Variants in ANKRD30B observed in about 807,000 individuals in gnomAD.
ANKRD30B encodes ankyrin repeat domain 30B.
In ANKRD30B, 144 loss-of-function variants were observed where a neutral mutation model predicts 202.2. The observed-to-expected ratio is 0.71, with a 90% confidence interval of 0.62 to 0.82. ANKRD30B has a LOEUF of 0.82. ANKRD30B is among the 40% of genes least tolerant of loss of function. The pLI, the probability that ANKRD30B is intolerant of heterozygous loss-of-function variation, is 0.00. For synonymous variants in ANKRD30B, 508 were observed against 561.3 expected (o/e 0.91, Z 1.34); for missense variants, 1,487 against 1,669.1 (o/e 0.89, Z 1.90).
chr18:14,888,342 ATT>A, the ANKRD30B span, among the ~76,000 whole-genome samples: 3 of 152,124 alleles, frequency 2.0e-5, no homozygotes, highest in East Asian at 5.8e-4. Flanking sequence ...TATAGCAGCC[ATT>A]TTATAAGCAG....
At chr18:14,883,369 GTCTCTC>G in the ANKRD30B span, among the ~76,000 whole-genome samples, 746 of 84,604 alleles carry the variant, frequency 8.8e-3, 7 homozygotes, top group Admixed American at 0.018. Context: ...CTGTCTGTCT[GTCTCTC>G]TCTCTCTCTC....
At chr18:14,924,650 C>T in the ANKRD30B span, among the ~76,000 whole-genome samples, 1 of 152,212 alleles carries the variant, frequency 6.6e-6, no homozygotes. Flanking sequence ...TCCATGAGGG[C>T]CCTGGGCTAC....
chr18:14,881,609 G>A, the ANKRD30B span, among the ~76,000 whole-genome samples: 2 of 152,124 alleles, frequency 1.3e-5, no homozygotes, highest in Non-Finnish European at 2.9e-5. Flanking sequence ...AATGAATCGG[G>A]GAGGGTTTCT....
In ANKRD30B at chr18:14,822,526, A is replaced by G; in HGVS notation, c.2670+15A>G. On this transcript the variant is annotated intron_variant, in intron 31 of 43. Transcript: ENST00000690538. ...GTCTTCTGAAGGTAATAACTTTTAT[A>G]TTTTTATCTTGAATATTAACTACTT... 2.3e-6 allele frequency: 3 copies of G among 1,300,334 alleles called. No individual in the cohort carries two copies. The highest frequency in any genetic ancestry group is 2.4e-5 in the East Asian group (1 of 40,870). The allele number at this position is 1,300,334 out of a possible 1,614,324, so 80.5% of individuals were successfully genotyped here.
chr18:14,811,040 A>G (rs1255915542), intron 28 of ANKRD30B, among the ~76,000 whole-genome samples: 1 of 151,130 alleles, frequency 6.6e-6, no homozygotes, highest in Non-Finnish European at 1.5e-5. Context: ...GCTTGAACCC[A>G]TGAGGCAGAA....
In ANKRD30B at chr18:14,852,382, C is replaced by G; in HGVS notation, c.4438C>G (p.Arg1480Gly). Residue 1480 changes from arginine to glycine, a missense_variant, in exon 42 of 44, where the codon CGT (arginine) becomes GGT (glycine). Coordinates refer to ENST00000690538, the MANE Select transcript of ANKRD30B (RefSeq NM_001367607.2). ...CAATTATGGTAACCATTTAAAAGAACGTATAGATCAATATGAAAAAGAGAA... is the reference window on the plus strand; with the variant it reads ...CAATTATGGTAACCATTTAAAAGAAGGTATAGATCAATATGAAAAAGAGAA... ...VFNYGNHLKE[R>G]IDQYEKEKAE... is the part of the protein sequence containing the mutation. The G allele has an allele frequency of 6.5e-7, 1 of 1,530,756 alleles. No homozygotes were observed. The allele number at this position is 1,530,756 out of a possible 1,614,324, so 94.8% of individuals were successfully genotyped here.
At chr18:14,781,716 C>G (rs540430553) in intron 11 of ANKRD30B, among the ~76,000 whole-genome samples, 1 of 152,164 alleles carries the variant, frequency 6.6e-6, no homozygotes, top group Admixed American at 6.5e-5. Flanking sequence ...AGATATTCTG[C>G]TCTGCCAGTC....
At chr18:14,850,473 A>G in intron 41 of ANKRD30B, 91 bp downstream of exon 41, 1 of 1,270,252 alleles carries the variant, frequency 7.9e-7, no homozygotes, top group Non-Finnish European at 1.0e-6. Flanking sequence ...TGTGTTATTC[A>G]GGTCTAAATC....
At chr18:14,868,554 T>A in the ANKRD30B span, among the ~76,000 whole-genome samples, 1 of 152,268 alleles carries the variant, frequency 6.6e-6, no homozygotes, top group Non-Finnish European at 1.5e-5. Context: ...TGGAGGGAGT[T>A]CACCAAGGGG....
chr18:14,754,321 T>A (rs1326877098), intron 3 of ANKRD30B, among the ~76,000 whole-genome samples: 1 of 152,180 alleles, frequency 6.6e-6, no homozygotes, highest in Admixed American at 6.6e-5. Context: ...TTCTAATTTG[T>A]CAAATGTTAA....
intron 16 of ANKRD30B, among the ~76,000 whole-genome samples, chr18:14,792,651 T>G (rs1968603176): frequency 6.6e-6 from 1 of 151,874 alleles, no homozygotes; most frequent in Admixed American, 6.6e-5. Flanking sequence ...CTCCAGAGAC[T>G]TTTGGAATCA....
At chr18:14,833,370 T>G (rs1454726031) in intron 34 of ANKRD30B, among the ~76,000 whole-genome samples, 2 of 152,136 alleles carry the variant, frequency 1.3e-5, no homozygotes, top group South Asian at 2.1e-4. Flanking sequence ...TGCCTCAGCC[T>G]CCAGAGCAAC....
At position 14,850,310 on chromosome 18, in the gene ANKRD30B, G is replaced by T; in HGVS notation, c.3492G>T (p.Val1164=). ...PEEQLRKKLE[V]KQQLEQTLRI... Reference sequence around the variant, plus strand: ...AGCAACTTAGGAAAAAGTTAGAAGTGAAACAACAACTTGAACAGACTCTCA... The same window carrying T: ...AGCAACTTAGGAAAAAGTTAGAAGTTAAACAACAACTTGAACAGACTCTCA... The change falls in exon 41 of 44, where the codon GTG becomes GTT. Residue 1164 remains valine, a synonymous_variant. Transcript: ENST00000690538. The T allele has an allele frequency of 6.3e-7, 1 of 1,591,608 alleles. No homozygotes were observed. The highest frequency in any genetic ancestry group is 8.5e-7 in the Non-Finnish European group (1 of 1,170,264).
intron 14 of ANKRD30B, among the ~76,000 whole-genome samples, chr18:14,785,434 C>A (rs894238504): frequency 2.0e-5 from 3 of 152,148 alleles, no homozygotes; most frequent in Non-Finnish European, 4.4e-5. Context: ...TAGTTAATTG[C>A]ACAGTTTTTA....
the ANKRD30B span, among the ~76,000 whole-genome samples, chr18:14,912,358 G>C: frequency 2.0e-5 from 3 of 152,058 alleles, no homozygotes; most frequent in Admixed American, 2.0e-4. Flanking sequence ...AAGTATTTTT[G>C]TGTCTATTGA....
At chr18:14,780,059 A>G in intron 11 of ANKRD30B, 38 bp downstream of exon 11, 5 of 1,512,394 alleles carry the variant, frequency 3.3e-6, no homozygotes, top group Non-Finnish European at 4.6e-6. Flanking sequence ...CTCTAAAAAT[A>G]TTAATATTGA....
chr18:14,769,373 G>A lies in ANKRD30B; in HGVS notation c.1256G>A (p.Ser419Asn). The change falls in exon 8 of 44, where the codon AGT (serine) becomes AAT (asparagine). Residue 419 changes from serine to asparagine, a missense_variant and splice_region_variant. Ser to Asn is a conservative substitution (Grantham distance 46). This residue lies in a region of ANKRD30B where 889 missense variants were observed against 841.4 expected (regional missense o/e 1.06). Transcript: ENST00000690538. The stretch of plus-strand genomic sequence containing the variant: ...GTGAGTTCTGTAGAGCCTATATTCA[G>A]GTAAGACTTTGCGGTTTTTTAAAAC... ...VDVSSVEPIF[S>N]LFGTRTIENS... The A allele has an allele frequency of 6.5e-7, 1 of 1,544,170 alleles. No individual in the cohort carries two copies. Among genetic ancestry groups the A allele is most frequent in the Non-Finnish European group, 8.7e-7 (1 of 1,143,446 alleles).
intron 15 of ANKRD30B, among the ~76,000 whole-genome samples, chr18:14,787,643 CA>C (rs1471686111): frequency 2.0e-5 from 3 of 152,120 alleles, no homozygotes; most frequent in Admixed American, 1.3e-4. Context: ...AATATAATAA[CA>C]AGAGTATTGG....
At chr18:14,930,429 C>T in the ANKRD30B span, among the ~76,000 whole-genome samples, 8 of 152,110 alleles carry the variant, frequency 5.3e-5, no homozygotes, top group Non-Finnish European at 8.8e-5. Context: ...CTGACCCACC[C>T]CTCAAATGAT....
Sources: gnomAD v4.1 joint callset for allele counts (sites outside exome capture counted in the v4.1 genomes callset) on GRCh38, gnomAD v4.1.1 for gene constraint, gnomAD v4.1.1 regional missense constraint, MANE v1.5 for transcripts, NCBI Gene and HGNC (gene_info 2026-07-23, HGNC 2026-07-21) for gene names.